The following ZNF160 variants were observed in gnomAD, a reference collection of about 807,000 sequenced individuals.
ZNF160 encodes the protein KRAB zinc finger protein KR18.
In ZNF160, 9 loss-of-function variants were observed where a neutral mutation model predicts 13.1. That is an observed-to-expected ratio of 0.69 (90% CI 0.41 to 1.20). The LOEUF is 1.20. Ranked by LOEUF, ZNF160 falls within the 50% of genes most tolerant of loss-of-function variation. The pLI is 0.01. For missense variants in ZNF160, 838 were observed against 988.0 expected (o/e 0.85, Z 2.04); for synonymous variants, 293 against 333.2 (o/e 0.88, Z 1.31).
chr19:53,070,417 T>G (rs560172020), intron 5 of ZNF160, among the ~76,000 whole-genome samples, 155 bp from the exon 6 acceptor site: 208 of 150,804 alleles, frequency 1.4e-3, no homozygotes, highest in African/African-American at 4.8e-3. Flanking sequence ...ACAAAAATGT[T>G]TTTTTTTTTT....
chr19:53,069,345 A>G lies in ZNF160; in HGVS notation c.1189T>C (p.Tyr397His). Reference sequence around the variant, plus strand: ...GCTTTGCCGCACTCATTGCACTTGTAAGGTTTCTCTCCAGTGTGAATTCTC... The same window carrying G: ...GCTTTGCCGCACTCATTGCACTTGTGAGGTTTCTCTCCAGTGTGAATTCTC... ...HWRIHTGEKP[Y>H]KCNECGKAFS... Residue 397 changes from tyrosine to histidine, a missense_variant, in exon 6 of 6, where the codon TAC becomes CAC. Coordinates refer to ENST00000683776, the MANE Select transcript of ZNF160 (RefSeq NM_001322131.2). The surrounding 1 kb of genome is among the most constrained non-coding windows in gnomAD (Gnocchi z 4.4). 1 of 1,614,002 alleles carries G rather than the reference A, an allele frequency of 6.2e-7. No individual in the cohort carries two copies. The highest frequency in any genetic ancestry group is 8.5e-7 in the Non-Finnish European group (1 of 1,179,874).
intron 3 of ZNF160, chr19:53,075,407 T>C (rs2084349962): frequency 8.0e-6 from 4 of 497,042 alleles, no homozygotes; most frequent in Admixed American, 3.4e-5. Context: ...TGTACATTAA[T>C]GGGATAATTG....
At chr19:53,103,057 C>T (rs2085506376) in intron 1 of ZNF160, among the ~76,000 whole-genome samples, 1 of 152,126 alleles carries the variant, frequency 6.6e-6, no homozygotes, top group Admixed American at 6.5e-5. Context: ...GCGCCCAGGG[C>T]AGGCGGTGAG....
intron 1 of ZNF160, among the ~76,000 whole-genome samples, chr19:53,099,706 TAGA>T (rs545989778): frequency 9.3e-4 from 142 of 152,332 alleles, no homozygotes; most frequent in African/African-American, 3.3e-3. Context: ...CCCCAATTCC[TAGA>T]AGAACTGCAA....
chr19:53,069,578 C>T lies in ZNF160; in HGVS notation c.956G>A (p.Gly319Asp). The T allele has an allele frequency of 6.2e-7, 1 of 1,614,130 alleles. No individual in the cohort carries two copies. Among genetic ancestry groups the T allele is most frequent in the Non-Finnish European group, 8.5e-7 (1 of 1,180,034 alleles). Residue 319 changes from glycine (G) to aspartate (D), a missense_variant, in exon 6 of 6, where the codon GGC becomes GAC. Around this residue, in one of 3 missense-constraint regions of ZNF160, gnomAD observed 387 missense variants for 402.3 expected, o/e 0.96. Transcript: ENST00000683776. This position sits in a 1 kb window ranked among gnomAD's most constrained non-coding sequence, Gnocchi z 4.4. ...GEKPYKCHEC[G>D]KVFRHNSYLA... ...GTATGAATTGTGCCTGAAGACCTTG[C>T]CACACTCATGACATTTGTAAGGTTT...
chr19:53,098,427 G>A (rs995654958), intron 1 of ZNF160, among the ~76,000 whole-genome samples: 3 of 152,168 alleles, frequency 2.0e-5, no homozygotes, highest in African/African-American at 2.4e-5. Flanking sequence ...CTATCTGCAG[G>A]ACAGTGGGCC....
rs895137800 is a variant in ZNF160, at chr19:53,067,998, C to G, written c.*79G>C. 3.3e-6 allele frequency: 5 copies of G among 1,521,874 alleles called. No individual in the cohort carries two copies. Among genetic ancestry groups the G allele is most frequent in the Non-Finnish European group, 4.4e-6 (5 of 1,134,444 alleles). 94.3% of individuals were successfully genotyped at this position (1,521,874 alleles called of 1,614,324 possible). ...ACTCATGAGGGATTGGCCACTGTCA[C>G]TACATTTGTAAGGATTCTGTCAAGA... is the stretch of plus-strand genomic sequence containing the variant. On this transcript the variant is annotated 3_prime_UTR_variant, in exon 6 of 6. Transcript: ENST00000683776.
At position 53,067,881 on chromosome 19, in the gene ZNF160, C is replaced by A. The variant is rs2084014329; in HGVS notation, c.*196G>T. ...TTCATCAAAGATATAAATCTTGATG[C>A]CTAGTAACCTGCGAGGCCTGGATAG... On this transcript the variant is annotated 3_prime_UTR_variant, in exon 6 of 6. Transcript: ENST00000683776. 4 of 615,198 alleles carry A rather than the reference C, an allele frequency of 6.5e-6. No individual in the cohort carries two copies. The highest frequency in any genetic ancestry group is 1.0e-5 in the Non-Finnish European group (4 of 385,284). The allele number at this position is 615,198 out of a possible 1,614,324, so 38.1% of individuals were successfully genotyped here. A position where few individuals can be genotyped will look rare whatever the true frequency, so the allele number is the denominator to read the frequency against.
chr19:53,085,730 T>C, intron 3 of ZNF160: 1 of 323,282 alleles, frequency 3.1e-6, no homozygotes, highest in Middle Eastern at 8.9e-4. Context: ...AAGAATCATC[T>C]ATCTCCAATG....
chr19:53,089,134 A>G (rs970613874), intron 2 of ZNF160, among the ~76,000 whole-genome samples: 1 of 152,210 alleles, frequency 6.6e-6, no homozygotes, highest in Non-Finnish European at 1.5e-5. Flanking sequence ...CCCAATTTAC[A>G]GTTGGTCGCC....
At chr19:53,101,864 G>A (rs2085458239) in intron 1 of ZNF160, among the ~76,000 whole-genome samples, 1 of 152,184 alleles carries the variant, frequency 6.6e-6, no homozygotes. Context: ...ATCCTTATAT[G>A]TAGAATTTAA....
intron 2 of ZNF160, among the ~76,000 whole-genome samples, chr19:53,089,888 T>A (rs147888271): frequency 1.3e-4 from 19 of 151,538 alleles, no homozygotes; most frequent in African/African-American, 4.6e-4. Flanking sequence ...CTGCTCTTTC[T>A]CCCCTTCTTC....
At chr19:53,081,822 T>G (rs938573941) in intron 3 of ZNF160, among the ~76,000 whole-genome samples, 14 of 152,216 alleles carry the variant, frequency 9.2e-5, no homozygotes, top group African/African-American at 3.1e-4. Flanking sequence ...TATATTCATA[T>G]GTTTATTGCA....
chr19:53,074,613 G>T (rs56042840), intron 4 of ZNF160, among the ~76,000 whole-genome samples: 11,110 of 149,852 alleles, frequency 0.074, 437 homozygotes, highest in Middle Eastern at 0.18. Flanking sequence ...GAGCTTGCAG[G>T]GAGCCTAGAT....
intron 1 of ZNF160, among the ~76,000 whole-genome samples, chr19:53,097,028 C>G (rs1013359529): frequency 1.0e-5 from 1 of 98,866 alleles, no homozygotes; most frequent in South Asian, 3.4e-4. Context: ...CCTCCAACTC[C>G]CTTCCCAGGG....
chr19:53,081,370 A>G (rs1568489232), intron 3 of ZNF160, among the ~76,000 whole-genome samples: 1 of 152,194 alleles, frequency 6.6e-6, no homozygotes, highest in Non-Finnish European at 1.5e-5. Context: ...GCATCTGACG[A>G]ATAACTAATA....
At chr19:53,074,995 T>C in intron 4 of ZNF160, 62 bp downstream of exon 4, 2 of 1,610,594 alleles carry the variant, frequency 1.2e-6, no homozygotes, top group Non-Finnish European at 1.7e-6. Flanking sequence ...CAGGGACTCG[T>C]AAGGGAAAAT....
At chr19:53,076,276 A>G (rs905786022) in intron 3 of ZNF160, among the ~76,000 whole-genome samples, 5 of 152,254 alleles carry the variant, frequency 3.3e-5, no homozygotes, top group Admixed American at 1.3e-4. Context: ...GAAGTGTTAG[A>G]CATTATGTTT....
At chr19:53,101,216 G>T (rs2085436450) in intron 1 of ZNF160, among the ~76,000 whole-genome samples, 1 of 152,072 alleles carries the variant, frequency 6.6e-6, no homozygotes, top group African/African-American at 2.4e-5. Context: ...GGAGACAGAG[G>T]TTGCAGTGAG....
Sources: allele counts gnomAD v4.1 joint callset (sites outside exome capture counted in the v4.1 genomes callset), GRCh38; gene constraint gnomAD v4.1.1; regional missense constraint gnomAD v4.1.1; non-coding constraint Gnocchi (gnomAD v3.1); transcripts MANE v1.5; gene names NCBI Gene and HGNC (gene_info 2026-07-23, HGNC 2026-07-21).